ANKRD24: variants seen among roughly 807,000 people sequenced by gnomAD.
ANKRD24 encodes ankyrin repeat domain-containing protein 24.
In ANKRD24, 109 loss-of-function variants were observed where a neutral mutation model predicts 127.8. The observed-to-expected ratio is 0.85, with a 90% confidence interval of 0.73 to 1.00. The LOEUF is 1.00. Among genes scored for constraint, ANKRD24 ranks in the 50% least tolerant of loss-of-function variants. The pLI, the probability that ANKRD24 is intolerant of heterozygous loss-of-function variation, is 0.00. For missense variants in ANKRD24, 1,648 were observed against 1,570.2 expected, an observed-to-expected ratio of 1.05 and a Z score of -0.84; for synonymous variants, 743 against 671.1, an observed-to-expected ratio of 1.11 and a Z score of -1.66.
intron 15 of ANKRD24, among the ~76,000 whole-genome samples, chr19:4,215,524 T>C (rs1412953932): frequency 8.3e-5 from 12 of 145,366 alleles, no homozygotes; most frequent in Admixed American, 7.6e-4. Flanking sequence ...CCCAACACTT[T>C]GGGAGACTGA....
chr19:4,185,134 G>A (rs1203139496), intron 1 of ANKRD24, among the ~76,000 whole-genome samples: 4 of 151,478 alleles, frequency 2.6e-5, no homozygotes, highest in African/African-American at 9.7e-5. Flanking sequence ...ATGGATGGAT[G>A]GGTGGTTGGG....
intron 15 of ANKRD24, 30 bp from the exon 16 acceptor site, chr19:4,215,948 C>T (rs1258784291): frequency 1.3e-6 from 2 of 1,552,854 alleles, no homozygotes; most frequent in Admixed American, 1.9e-5. Context: ...AGAGCAGAAC[C>T]CCGAGCTGGA....
chr19:4,212,071 G>A (rs1278545603), intron 13 of ANKRD24, among the ~76,000 whole-genome samples: 2 of 152,066 alleles, frequency 1.3e-5, no homozygotes, highest in Non-Finnish European at 2.9e-5. Context: ...CTGTTGGCGG[G>A]CGCCTGTAGT....
rs1222277065 is a variant in ANKRD24, at chr19:4,217,730, TGGCCACGGCCAG to T, written c.2579_2590del (p.Ala860_Thr863del). On this transcript the variant is annotated inframe_deletion, in exon 18 of 22. Transcript: ENST00000318934. ...GAGCTGGAGGTTCTGCGGGAGCAGC[TGGCCACGGCCAG>T]GGCCACGGGGGAGCAGCAGCGCACG... 3.1e-6 allele frequency: 4 copies of T among 1,292,384 alleles called. No homozygotes were observed. The highest frequency in any genetic ancestry group is 2.2e-5 in the South Asian group (1 of 45,252). The allele number at this position is 1,292,384 out of a possible 1,614,324, so 80.1% of individuals were successfully genotyped here. A position where few individuals can be genotyped will look rare whatever the true frequency, so the allele number is the denominator to read the frequency against.
chr19:4,186,202 CAGAG>C lies in ANKRD24; in HGVS notation c.-36-185_-36-182del, dbSNP rs1292596036. ...CACTGTATAGATGAGGGAAGTAAAA[CAGAG>C]AGGGCAAGTAAACTGCCAAAGGACA... On this transcript the variant is annotated intron_variant, in intron 1 of 21. Coordinates refer to ENST00000318934, the MANE Select transcript of ANKRD24 (RefSeq NM_001393985.1). 33 of 1,340,428 alleles carry C rather than the reference CAGAG, an allele frequency of 2.5e-5. 1 individual carries two copies. Among genetic ancestry groups the C allele is most frequent in the Non-Finnish European group, 2.9e-5 (30 of 1,025,282 alleles). The allele number at this position is 1,340,428 out of a possible 1,614,324, so 83.0% of individuals were successfully genotyped here.
At chr19:4,216,260 G>A (rs1599457381) in intron 16 of ANKRD24, 24 bp from the exon 17 acceptor site, 1 of 1,549,148 alleles carries the variant, frequency 6.5e-7, no homozygotes, top group African/African-American at 1.4e-5. Flanking sequence ...GGTCCCCAGG[G>A]CCTGACTCTG....
chr19:4,211,735 T>A (rs761802493), intron 13 of ANKRD24, among the ~76,000 whole-genome samples: 1 of 152,174 alleles, frequency 6.6e-6, no homozygotes, highest in Non-Finnish European at 1.5e-5. Flanking sequence ...AGGTGCTTAA[T>A]AAGTACATAG....
rs1968970346 is a variant in ANKRD24, at chr19:4,199,668, C to G, written c.37-15C>G. The G allele has an allele frequency of 6.6e-7, 1 of 1,520,802 alleles. No individual in the cohort carries two copies. The highest frequency in any genetic ancestry group is 8.8e-7 in the Non-Finnish European group (1 of 1,138,770). 94.2% of individuals were successfully genotyped at this position (1,520,802 alleles called of 1,614,324 possible). ...GTCTGAGGACCCCCTCGCCCAGGAC[C>G]ACCTCCCCCTGCAGCTGCGGCTCAG... On this transcript the variant is annotated splice_polypyrimidine_tract_variant and intron_variant, in intron 2 of 21. Coordinates refer to ENST00000318934, the MANE Select transcript of ANKRD24 (RefSeq NM_001393985.1). The surrounding 1 kb of genome is among the most constrained non-coding windows in gnomAD (Gnocchi z 5.2).
At chr19:4,188,017 C>T (rs1300467515) in intron 2 of ANKRD24, among the ~76,000 whole-genome samples, 3 of 152,108 alleles carry the variant, frequency 2.0e-5, no homozygotes, top group African/African-American at 7.2e-5. Flanking sequence ...TCTTTGAAAG[C>T]CATTTTTGAA....
chr19:4,216,853 G>A lies in ANKRD24; in HGVS notation c.1693G>A (p.Glu565Lys), dbSNP rs1463401925. 17 of 1,610,676 alleles carry A rather than the reference G, an allele frequency of 1.1e-5. No homozygotes were observed. Among genetic ancestry groups the A allele is most frequent in the Non-Finnish European group, 1.3e-5 (15 of 1,178,692 alleles). ...TAACGGAGCCGAGACCATAGATGAG[G>A]AGGCTGCAGGAGATGAAACCATGGA... ...KVNGAETIDE[E>K]AAGDETMEAR... Residue 565 changes from glutamate (E) to lysine (K), a missense_variant, in exon 18 of 22, where the codon GAG (glutamate) becomes AAG (lysine). Coordinates refer to ENST00000318934, the MANE Select transcript of ANKRD24 (RefSeq NM_001393985.1).
chr19:4,220,695 C>T (rs1332905371), intron 19 of ANKRD24, among the ~76,000 whole-genome samples: 2 of 151,910 alleles, frequency 1.3e-5, no homozygotes, highest in Non-Finnish European at 1.5e-5. Context: ...GCTGGGACTA[C>T]AGGCGCCTGC....
chr19:4,209,382 AC>A (rs1218248139), intron 11 of ANKRD24, among the ~76,000 whole-genome samples: 1 of 150,262 alleles, frequency 6.7e-6, no homozygotes, highest in Non-Finnish European at 1.5e-5. Context: ...TGCTGGGATT[AC>A]AGGCATGAGC....
intron 1 of ANKRD24, among the ~76,000 whole-genome samples, chr19:4,185,724 A>G (rs567780447): frequency 5.3e-5 from 8 of 152,326 alleles, no homozygotes; most frequent in African/African-American, 1.9e-4. Context: ...CCCTCTGACT[A>G]TGTAGCAAAC....
intron 13 of ANKRD24, 136 bp from the exon 14 acceptor site, chr19:4,212,339 G>T (rs558820244): frequency 2.0e-6 from 2 of 988,026 alleles, no homozygotes; most frequent in African/African-American, 1.7e-5. Context: ...ATGAGTGAGC[G>T]GGCAGAATTC....
chr19:4,221,151 T>C (rs1970419277), intron 19 of ANKRD24, among the ~76,000 whole-genome samples: 1 of 151,816 alleles, frequency 6.6e-6, no homozygotes, highest in Non-Finnish European at 1.5e-5. Flanking sequence ...TGATTTTGGC[T>C]CACTGCAACC....
chr19:4,218,549 C>A (rs945811447), intron 18 of ANKRD24, among the ~76,000 whole-genome samples: 1 of 152,068 alleles, frequency 6.6e-6, no homozygotes, highest in Non-Finnish European at 1.5e-5. Context: ...ATCCACCCAC[C>A]TCAGCCTCTC....
intron 2 of ANKRD24, among the ~76,000 whole-genome samples, chr19:4,188,197 C>T (rs1465009155): frequency 2.0e-5 from 3 of 151,892 alleles, no homozygotes; most frequent in East Asian, 3.9e-4. Context: ...CTTGCCTCAG[C>T]CTCCCGAGTA....
chr19:4,217,524 G>C lies in ANKRD24; in HGVS notation c.2364G>C (p.Arg788=). The C allele has an allele frequency of 7.3e-7, 1 of 1,366,324 alleles. No homozygotes were observed. Among genetic ancestry groups the C allele is most frequent in the Non-Finnish European group, 9.4e-7 (1 of 1,066,380 alleles). The allele number at this position is 1,366,324 out of a possible 1,614,324, so 84.6% of individuals were successfully genotyped here. A position where few individuals can be genotyped will look rare whatever the true frequency, so the allele number is the denominator to read the frequency against. Residue 788 remains arginine (R), a synonymous_variant, in exon 18 of 22, where the codon CGG becomes CGC. Transcript: ENST00000318934. ...GGGGGDTTQL[R]AALEQAREDL... ...GTGGCGGTGACACCACACAGCTGCG[G>C]GCGGCCCTGGAGCAGGCCCGGGAGG...
chr19:4,219,705 G>T lies in ANKRD24; in HGVS notation c.3118G>T (p.Ala1040Ser). The change falls in exon 19 of 22, where the codon GCC (alanine) becomes TCC (serine). Residue 1040 changes from alanine to serine, a missense_variant. By Grantham distance (99) the Ala-to-Ser change is moderately conservative. Transcript: ENST00000318934. Reference sequence around the variant, plus strand: ...GACCGAGGCGGAAAGGGCTCGCCAGGCCCAGAGCCGGGCCCAGGAGGCTCT... The same window carrying T: ...GACCGAGGCGGAAAGGGCTCGCCAGTCCCAGAGCCGGGCCCAGGAGGCTCT... ...LRTEAERARQAQSRAQEALDK... is the reference protein window; with the variant it reads ...LRTEAERARQSQSRAQEALDK... The T allele has an allele frequency of 6.2e-7, 1 of 1,613,588 alleles. No homozygotes were observed. Among genetic ancestry groups the T allele is most frequent in the Non-Finnish European group, 8.5e-7 (1 of 1,179,722 alleles).
Sources: gnomAD v4.1 joint callset for allele counts (sites outside exome capture counted in the v4.1 genomes callset) on GRCh38, gnomAD v4.1.1 for gene constraint, Gnocchi (gnomAD v3.1) non-coding constraint, MANE v1.5 for transcripts, NCBI Gene and HGNC (gene_info 2026-07-23, HGNC 2026-07-21) for gene names.